The following PSD3 variants were observed in gnomAD, a reference collection of about 807,000 sequenced individuals.
PSD3 encodes the protein PH and SEC7 domain-containing protein 3.
A neutral mutation model predicts 105.5 loss-of-function variants in PSD3; 49 were observed. The ratio of observed to expected loss-of-function variants is 0.46; its 90% CI spans 0.37 to 0.59. The LOEUF (loss-of-function observed/expected upper bound fraction) is 0.59, where lower values mean the gene tolerates loss of function less well. Ranked by LOEUF, PSD3 falls within the 20% of genes least tolerant of loss-of-function variation. The probability of loss-of-function intolerance (pLI) is 0.00; values close to 1 mark genes in which losing one functional copy is unlikely to be tolerated. For missense variants in PSD3, 1,561 were observed against 1,263.8 expected, an observed-to-expected ratio of 1.24 and a Z score of -3.57; for synonymous variants, 557 against 457.8, an observed-to-expected ratio of 1.22 and a Z score of -2.77.
At chr8:18,637,667 A>C (rs1223562053) in intron 10 of PSD3, among the ~76,000 whole-genome samples, 1 of 152,162 alleles carries the variant, frequency 6.6e-6, no homozygotes, top group Non-Finnish European at 1.5e-5. Context: ...CAGTTTGTTT[A>C]TCTATTCATC....
At chr8:18,698,153 C>T (rs1031183760) in intron 9 of PSD3, among the ~76,000 whole-genome samples, 9 of 152,120 alleles carry the variant, frequency 5.9e-5, no homozygotes, top group African/African-American at 1.4e-4. Flanking sequence ...GGCTCAAGTG[C>T]AGTGGTGCGA....
At chr8:18,827,706 T>C (rs1813314150) in intron 4 of PSD3, among the ~76,000 whole-genome samples, 1 of 152,052 alleles carries the variant, frequency 6.6e-6, no homozygotes, top group Non-Finnish European at 1.5e-5. Context: ...ATGAGAAGGA[T>C]TCCATGTAAA....
intron 9 of PSD3, among the ~76,000 whole-genome samples, chr8:18,723,219 G>C (rs1322899306): frequency 6.6e-6 from 1 of 152,142 alleles, no homozygotes; most frequent in Non-Finnish European, 1.5e-5. Flanking sequence ...CAGATGACAC[G>C]TGTGTTCTAG....
chr8:18,641,202 A>C (rs1016437927), intron 10 of PSD3, among the ~76,000 whole-genome samples: 1 of 152,142 alleles, frequency 6.6e-6, no homozygotes, highest in Non-Finnish European at 1.5e-5. Flanking sequence ...TGATCCCTGT[A>C]ATTTAATTTC....
chr8:18,758,462 TCC>T (rs1806243802), intron 9 of PSD3, among the ~76,000 whole-genome samples: 1 of 150,908 alleles, frequency 6.6e-6, no homozygotes, highest in African/African-American at 2.4e-5. Context: ...TTGCTGTCAC[TCC>T]GTGTGAACAG....
At chr8:18,664,793 G>T (rs1328535036) in intron 9 of PSD3, among the ~76,000 whole-genome samples, 1 of 152,192 alleles carries the variant, frequency 6.6e-6, no homozygotes, top group East Asian at 1.9e-4. Context: ...GGGCAATGAA[G>T]CTGGTGACCT....
intron 4 of PSD3, among the ~76,000 whole-genome samples, chr8:18,829,683 C>T (rs1471311367): frequency 6.6e-6 from 1 of 152,206 alleles, no homozygotes; most frequent in Non-Finnish European, 1.5e-5. Flanking sequence ...ATGAAGCCTG[C>T]GGAAACCCTC....
intron 11 of PSD3, among the ~76,000 whole-genome samples, chr8:18,614,662 T>C (rs919208957): frequency 6.6e-6 from 1 of 152,190 alleles, no homozygotes; most frequent in African/African-American, 2.4e-5. Context: ...TGACATTTCA[T>C]ATACATATTT....
Position 18,702,754 on chromosome 8 carries a change from C to T in PSD3, c.2173-47069G>A, listed in dbSNP as rs145229170. On this transcript the variant is annotated intron_variant, in intron 9 of 15. Coordinates refer to ENST00000327040, the MANE Select transcript of PSD3 (RefSeq NM_015310.4). Reference sequence around the variant, plus strand: ...CAGCCTCCCGAGTAGCTGGGACTACCGGTGCCCGCCATCACGCCTGGCTAA... The same window carrying T: ...CAGCCTCCCGAGTAGCTGGGACTACTGGTGCCCGCCATCACGCCTGGCTAA... Among the ~76,000 whole-genome samples the T allele has an allele frequency of 0.013, 1,991 of 151,716 alleles. 96 individuals carry two copies. In the East Asian group the frequency reaches 0.13, roughly 10 times the overall value.
chr8:18,694,759 T>G (rs984143320), intron 9 of PSD3, among the ~76,000 whole-genome samples: 1 of 151,890 alleles, frequency 6.6e-6, no homozygotes, highest in Non-Finnish European at 1.5e-5. Context: ...GCGGATCACT[T>G]GAGCACTTGA....
Position 18,728,046 on chromosome 8 carries a change from T to C in PSD3, c.2172+37403A>G, listed in dbSNP as rs112121198. ...CTTAAATATTTGCTGAATGAATGAA[T>C]GATTTTATGAAAAACAGAAAAAAAA... On this transcript the variant is annotated intron_variant, in intron 9 of 15. Coordinates refer to ENST00000327040, the MANE Select transcript of PSD3 (RefSeq NM_015310.4). Among the ~76,000 whole-genome samples the C allele has an allele frequency of 3.6e-3, 543 of 151,838 alleles. 3 individuals are homozygous for C. The highest frequency in any genetic ancestry group is 0.012 in the African/African-American group (516 of 41,356).
At chr8:18,751,508 G>A (rs1240348759) in intron 9 of PSD3, among the ~76,000 whole-genome samples, 3 of 152,180 alleles carry the variant, frequency 2.0e-5, no homozygotes, top group Admixed American at 1.3e-4. Flanking sequence ...AAAACCATAG[G>A]CACAGGCCAA....
chr8:18,594,206 ATAT>A, intron 12 of PSD3, among the ~76,000 whole-genome samples: 308 of 11,218 alleles, frequency 0.027, 64 homozygotes, highest in African/African-American at 0.054. Context: ...ATATTATATA[ATAT>A]ATATTATTAT....
chr8:18,578,041 T>G (rs1802569258), intron 12 of PSD3, among the ~76,000 whole-genome samples: 1 of 152,128 alleles, frequency 6.6e-6, no homozygotes, highest in East Asian at 1.9e-4. Context: ...TCTTCTTCAT[T>G]GGTTTTACTT....
chr8:19,030,996 C>A (rs1827746569), intron 1 of PSD3, among the ~76,000 whole-genome samples: 1 of 152,168 alleles, frequency 6.6e-6, no homozygotes, highest in African/African-American at 2.4e-5. Context: ...CTCCTAGGCA[C>A]AAAGGAAGAC....
intron 8 of PSD3, among the ~76,000 whole-genome samples, chr8:18,781,030 T>C (rs1325837216): frequency 6.6e-6 from 1 of 152,156 alleles, no homozygotes; most frequent in Non-Finnish European, 1.5e-5. Context: ...CCAGGTATAA[T>C]ATTTTTGGCT....
chr8:18,612,967 T>G (rs943535606), intron 11 of PSD3, among the ~76,000 whole-genome samples: 1 of 152,002 alleles, frequency 6.6e-6, no homozygotes, highest in Non-Finnish European at 1.5e-5. Flanking sequence ...CAGCCATTAC[T>G]AGACGTGCAG....
chr8:18,955,207 G>T (rs1300303395), intron 1 of PSD3, among the ~76,000 whole-genome samples: 1 of 152,106 alleles, frequency 6.6e-6, no homozygotes, highest in Non-Finnish European at 1.5e-5. Flanking sequence ...TATCTGAAGG[G>T]GCAGCACCAC....
chr8:18,727,551 A>AACACACACACAC (rs56410753), intron 9 of PSD3, among the ~76,000 whole-genome samples: 42 of 137,708 alleles, frequency 3.0e-4, no homozygotes, highest in African/African-American at 8.7e-4. Context: ...AAAAAATCCA[A>AACACACACACAC]ACACACACAC....
Sources: allele counts gnomAD v4.1 joint callset (sites outside exome capture counted in the v4.1 genomes callset), GRCh38; gene constraint gnomAD v4.1.1; transcripts MANE v1.5; gene names NCBI Gene and HGNC (gene_info 2026-07-23, HGNC 2026-07-21).